PLCB1: variants seen among roughly 807,000 people sequenced by gnomAD.
PLCB1 encodes the protein 1-phosphatidylinositol 4,5-bisphosphate phosphodiesterase beta-1.
A neutral mutation model predicts 161.8 loss-of-function variants in PLCB1; 46 were observed. That is an observed-to-expected ratio of 0.28 (90% CI 0.22 to 0.36). The LOEUF (loss-of-function observed/expected upper bound fraction) is 0.36, where lower values mean the gene tolerates loss of function less well. Ranked by LOEUF, PLCB1 falls within the 10% of genes least tolerant of loss-of-function variation. The probability of loss-of-function intolerance (pLI) is 1.00; values close to 1 mark genes in which losing one functional copy is unlikely to be tolerated. For missense variants in PLCB1, 1,016 were observed against 1,472.5 expected (o/e 0.69, Z 5.07); for synonymous variants, 517 against 503.7 (o/e 1.03, Z -0.35).
intron 2 of PLCB1, among the ~76,000 whole-genome samples, chr20:8,299,392 T>TCA (rs11467326): frequency 7.3e-5 from 11 of 151,564 alleles, no homozygotes; most frequent in East Asian, 1.9e-4. Flanking sequence ...AGTAACCATC[T>TCA]CACACACACA....
intron 4 of PLCB1, among the ~76,000 whole-genome samples, chr20:8,640,591 AG>A (rs145722728): frequency 0.018 from 2,771 of 152,326 alleles, 73 homozygotes; most frequent in African/African-American, 0.063. Flanking sequence ...GAATCATTTC[AG>A]GAATGTGAGG....
Position 8,866,524 on chromosome 20 carries a change from G to A in PLCB1, c.3424-15098G>A, listed in dbSNP as rs186277532. Among the ~76,000 whole-genome samples, 44 of 152,240 alleles carry A rather than the reference G, an allele frequency of 2.9e-4. No individual in the cohort carries two copies. The East Asian group carries it at 5.4e-3, about 19-fold the overall frequency. ...GTGTTTTGTAAATTTCTAATTTAAGGCAACACTGACAAATTAGAAGGTTTA... is the reference window on the plus strand; with the variant it reads ...GTGTTTTGTAAATTTCTAATTTAAGACAACACTGACAAATTAGAAGGTTTA... On this transcript the variant is annotated intron_variant, in intron 31 of 31. Coordinates refer to ENST00000338037, the MANE Select transcript of PLCB1 (RefSeq NM_015192.4).
At position 8,820,300 on chromosome 20, in the gene PLCB1, A is replaced by G. The variant is rs191698771; in HGVS notation, c.3423+30039A>G. Among the ~76,000 whole-genome samples, 317 of 150,992 alleles carry G rather than the reference A, an allele frequency of 2.1e-3. 2 individuals carry two copies. Among genetic ancestry groups the G allele is most frequent in the Admixed American group, 0.018 (279 of 15,116 alleles). ...GAAATTCCTACAGATTAAGTGAAAG[A>G]CAAACAGTAGAAAAATGTGGAAAAA... On this transcript the variant is annotated intron_variant, in intron 31 of 31. Transcript: ENST00000338037.
At chr20:8,437,775 G>A (rs960653568) in intron 3 of PLCB1, among the ~76,000 whole-genome samples, 2 of 152,118 alleles carry the variant, frequency 1.3e-5, no homozygotes, top group African/African-American at 4.8e-5. Flanking sequence ...GAACCTTCAA[G>A]ACAGTGAGCA....
At chr20:8,552,155 G>C (rs913523801) in intron 3 of PLCB1, among the ~76,000 whole-genome samples, 1 of 152,118 alleles carries the variant, frequency 6.6e-6, no homozygotes, top group Non-Finnish European at 1.5e-5. Context: ...TGCCACAACA[G>C]GGGCTTCTAA....
chr20:8,648,306 C>G (rs1040658889), intron 6 of PLCB1, among the ~76,000 whole-genome samples: 27 of 152,194 alleles, frequency 1.8e-4, no homozygotes, highest in South Asian at 1.0e-3. Flanking sequence ...TGGCTGTAGC[C>G]CTCAAGCAGG....
chr20:8,876,551 G>A (rs1052548960), intron 31 of PLCB1, among the ~76,000 whole-genome samples: 3 of 152,100 alleles, frequency 2.0e-5, no homozygotes, highest in Admixed American at 6.6e-5. Context: ...CTCACTCAAA[G>A]TTATAGCCAT....
At chr20:8,194,686 G>T (rs2052004333) in intron 2 of PLCB1, among the ~76,000 whole-genome samples, 1 of 152,024 alleles carries the variant, frequency 6.6e-6, no homozygotes, top group Non-Finnish European at 1.5e-5. Flanking sequence ...AGGGAGGGCT[G>T]ATGTATTTTC....
intron 2 of PLCB1, among the ~76,000 whole-genome samples, chr20:8,241,258 G>T (rs144604513): frequency 3.0e-4 from 46 of 152,088 alleles, no homozygotes; most frequent in African/African-American, 1.1e-3. Context: ...TTCCAGGAAA[G>T]ATAATTTTAA....
At chr20:8,362,783 T>C (rs1012378207) in intron 2 of PLCB1, among the ~76,000 whole-genome samples, 1 of 152,236 alleles carries the variant, frequency 6.6e-6, no homozygotes, top group African/African-American at 2.4e-5. Context: ...ATCATGATTA[T>C]TTTTTCATAT....
chr20:8,775,838 A>G (rs778190690), intron 27 of PLCB1, among the ~76,000 whole-genome samples: 6 of 152,170 alleles, frequency 3.9e-5, no homozygotes, highest in Non-Finnish European at 8.8e-5. Context: ...ACCAGACTTC[A>G]AGAACTGCTG....
intron 23 of PLCB1, among the ~76,000 whole-genome samples, chr20:8,756,307 G>A (rs1981734544): frequency 1.3e-5 from 2 of 152,176 alleles, no homozygotes. Flanking sequence ...AGAAATTGAA[G>A]CACAGAGAGT....
At chr20:8,468,901 TAGAG>T (rs1444902780) in intron 3 of PLCB1, among the ~76,000 whole-genome samples, 1 of 152,144 alleles carries the variant, frequency 6.6e-6, no homozygotes, top group Admixed American at 6.6e-5. Flanking sequence ...CAGGAAATAT[TAGAG>T]AGAGTCATAA....
intron 3 of PLCB1, among the ~76,000 whole-genome samples, chr20:8,420,035 C>A (rs1347140676): frequency 1.3e-5 from 2 of 152,268 alleles, no homozygotes; most frequent in East Asian, 3.9e-4. Context: ...GTCACAGCAG[C>A]AATTCTGATT....
At chr20:8,358,546 C>T (rs1042921689) in intron 2 of PLCB1, among the ~76,000 whole-genome samples, 2 of 151,898 alleles carry the variant, frequency 1.3e-5, no homozygotes, top group Non-Finnish European at 2.9e-5. Flanking sequence ...CCACCGAGCC[C>T]GGCGTGTCCT....
intron 15 of PLCB1, 104 bp from the exon 16 acceptor site, chr20:8,724,552 G>A: frequency 1.4e-6 from 1 of 729,150 alleles, no homozygotes; most frequent in Non-Finnish European, 2.4e-6. Context: ...GAAAGGGAGG[G>A]ATGATTTTCT....
chr20:8,836,656 T>TA (rs57078118), intron 31 of PLCB1, among the ~76,000 whole-genome samples: 48,719 of 152,042 alleles, frequency 0.32, 8,787 homozygotes, highest in East Asian at 0.63. Context: ...TAGAGATATA[T>TA]AAATATTACC....
At position 8,450,214 on chromosome 20, in the gene PLCB1, G is replaced by A. The variant is rs8124215; in HGVS notation, c.246+78764G>A. On this transcript the variant is annotated intron_variant, in intron 3 of 31. Transcript: ENST00000338037. ...CCTTTGTGGTCTTAGATAAGTCTCAGACTGCAGGTGAAATGATTAAATTCT... is the reference window on the plus strand; with the variant it reads ...CCTTTGTGGTCTTAGATAAGTCTCAAACTGCAGGTGAAATGATTAAATTCT... Among the ~76,000 whole-genome samples, 1,160 of 152,218 alleles carry A rather than the reference G, an allele frequency of 7.6e-3. 13 individuals are homozygous for A. Among genetic ancestry groups the A allele is most frequent in the African/African-American group, 0.026 (1,078 of 41,534 alleles).
At chr20:8,852,059 A>G (rs1986907417) in intron 31 of PLCB1, among the ~76,000 whole-genome samples, 3 of 152,234 alleles carry the variant, frequency 2.0e-5, no homozygotes, top group Non-Finnish European at 4.4e-5. Context: ...GCAAAGAACT[A>G]TAGACTGTAT....
Sources: gnomAD v4.1 joint callset for allele counts (sites outside exome capture counted in the v4.1 genomes callset) on GRCh38, gnomAD v4.1.1 for gene constraint, MANE v1.5 for transcripts, NCBI Gene and HGNC (gene_info 2026-07-23, HGNC 2026-07-21) for gene names.